ADTRP: variants seen among roughly 807,000 people sequenced by gnomAD.
ADTRP encodes androgen-dependent TFPI-regulating protein.
In ADTRP, 20 loss-of-function variants were observed where a neutral mutation model predicts 27.0. The observed-to-expected ratio is 0.74, with a 90% CI of 0.52 to 1.08. ADTRP has a LOEUF of 1.08. Among genes scored for constraint, ADTRP ranks in the 50% least tolerant of loss-of-function variants. ADTRP has a pLI of 0.00. For missense variants in ADTRP, 251 were observed against 275.0 expected (o/e 0.91, Z 0.62); for synonymous variants, 101 against 105.2 (o/e 0.96, Z 0.25).
chr6:11,760,591 T>A (rs544356377), intron 3 of ADTRP, among the ~76,000 whole-genome samples: 1 of 152,184 alleles, frequency 6.6e-6, no homozygotes, highest in Non-Finnish European at 1.5e-5. Context: ...GGTGATTTTA[T>A]TAAATTTAAC....
chr6:11,768,699 C>T (rs11753766), intron 1 of ADTRP, among the ~76,000 whole-genome samples: 11,328 of 152,136 alleles, frequency 0.074, 617 homozygotes, highest in African/African-American at 0.15. Context: ...GATACCTTGA[C>T]GGCACAGAGG....
At chr6:11,727,892 T>G (rs1041821100) in intron 4 of ADTRP, among the ~76,000 whole-genome samples, 4 of 142,406 alleles carry the variant, frequency 2.8e-5, no homozygotes, top group African/African-American at 2.6e-5. Context: ...GAGGGGAAGG[T>G]GGGAAGAGAG....
rs1309733843 is a variant in ADTRP, at chr6:11,778,676, T to C, written c.84A>G (p.Gly28=). 2 of 1,614,248 alleles carry C rather than the reference T, an allele frequency of 1.2e-6. No individual in the cohort carries two copies. The highest frequency in any genetic ancestry group is 4.5e-5 in the East Asian group (2 of 44,892). ...AGATTTTGGGTTTCACCTCGTCTTT[T>C]CCTTCCTGTGAGATGTAATAATTGA... The part of the protein sequence containing the change: ...TFLNYYISQE[G]KDEVKPKILA... Residue 28 remains glycine, a synonymous_variant, in exon 1 of 6, where the codon GGA becomes GGG. Transcript: ENST00000414691.
At chr6:11,766,399 A>G (rs752124375) in intron 2 of ADTRP, 24 bp from the exon 3 acceptor site, 2 of 1,552,310 alleles carry the variant, frequency 1.3e-6, no homozygotes, top group Non-Finnish European at 1.8e-6. Flanking sequence ...CACAAAAAAT[A>G]GCATCATTAG....
intron 3 of ADTRP, among the ~76,000 whole-genome samples, chr6:11,737,049 G>T (rs2235416): frequency 0.061 from 9,231 of 152,140 alleles, 807 homozygotes; most frequent in East Asian, 0.47. Context: ...GAATGATGGC[G>T]TTTTCAGATG....
Position 11,768,193 on chromosome 6 carries a change from A to C in ADTRP, c.288+56T>G, listed in dbSNP as rs1021432249. ...CCAAACAGCTTGGCTGCCCAGGAGA[A>C]GCGTCTGTCCATATGCACATTTCTG... On this transcript the variant is annotated intron_variant, in intron 2 of 5. Coordinates refer to ENST00000414691, the MANE Select transcript of ADTRP (RefSeq NM_032744.4). The C allele has an allele frequency of 1.2e-5, 19 of 1,588,506 alleles. No homozygotes were observed. In the African/African-American group the frequency reaches 2.3e-4, roughly 19 times the overall value.
intron 4 of ADTRP, among the ~76,000 whole-genome samples, chr6:11,723,840 C>T (rs1437315718): frequency 6.6e-6 from 1 of 152,082 alleles, no homozygotes; most frequent in Non-Finnish European, 1.5e-5. Context: ...GGGTGGATCA[C>T]CTGAGGTCAG....
intron 4 of ADTRP, among the ~76,000 whole-genome samples, chr6:11,733,265 C>T (rs1581324667): frequency 6.6e-6 from 1 of 152,372 alleles, no homozygotes; most frequent in East Asian, 1.9e-4. Flanking sequence ...CCAGAATCAT[C>T]TTTCTAATCA....
chr6:11,750,549 A>C (rs559410330), intron 3 of ADTRP, among the ~76,000 whole-genome samples: 17 of 152,352 alleles, frequency 1.1e-4, no homozygotes, highest in East Asian at 5.8e-4. Flanking sequence ...TGAACACCTC[A>C]AGCAATCACG....
intron 3 of ADTRP, among the ~76,000 whole-genome samples, chr6:11,739,074 G>T (rs1439932671): frequency 6.6e-6 from 1 of 151,530 alleles, no homozygotes; most frequent in Admixed American, 6.6e-5. Flanking sequence ...TTCAGTAAGA[G>T]AAAAATAAAA....
At chr6:11,720,926 T>G (rs912859579) in intron 5 of ADTRP, among the ~76,000 whole-genome samples, 3 of 152,140 alleles carry the variant, frequency 2.0e-5, no homozygotes, top group East Asian at 3.8e-4. Context: ...AAAAGGCCCT[T>G]GGATATTCTA....
At chr6:11,715,552 C>T (rs1761783570) in intron 5 of ADTRP, among the ~76,000 whole-genome samples, 1 of 152,092 alleles carries the variant, frequency 6.6e-6, no homozygotes, top group South Asian at 2.1e-4. Flanking sequence ...ATCTAGACTA[C>T]CCCAGTCACT....
At chr6:11,774,726 T>C (rs973689555) in intron 1 of ADTRP, among the ~76,000 whole-genome samples, 2 of 152,198 alleles carry the variant, frequency 1.3e-5, no homozygotes, top group African/African-American at 4.8e-5. Flanking sequence ...AGGAAGCTTA[T>C]CTTTAAAAAG....
At chr6:11,774,577 G>C (rs1763891604) in intron 1 of ADTRP, among the ~76,000 whole-genome samples, 1 of 152,022 alleles carries the variant, frequency 6.6e-6, no homozygotes, top group Admixed American at 6.5e-5. Context: ...CCTGGGGCTT[G>C]GGCAACTTAT....
intron 5 of ADTRP, among the ~76,000 whole-genome samples, chr6:11,715,789 C>G (rs1479857927): frequency 1.5e-5 from 2 of 135,234 alleles, no homozygotes; most frequent in African/African-American, 2.9e-5. Flanking sequence ...ACTAGAGGTG[C>G]ACACCACCAT....
chr6:11,732,497 C>T (rs573009069), intron 4 of ADTRP, among the ~76,000 whole-genome samples: 2 of 152,138 alleles, frequency 1.3e-5, no homozygotes, highest in Admixed American at 1.3e-4. Context: ...CTGGAAACTG[C>T]GTAAGGGTGG....
At chr6:11,762,584 C>T (rs1763428493) in intron 3 of ADTRP, among the ~76,000 whole-genome samples, 1 of 152,178 alleles carries the variant, frequency 6.6e-6, no homozygotes, top group Non-Finnish European at 1.5e-5. Context: ...CCCCCCTTAA[C>T]ATCAATGAAA....
At chr6:11,714,997 T>G (rs1761766931) in intron 5 of ADTRP, among the ~76,000 whole-genome samples, 1 of 152,214 alleles carries the variant, frequency 6.6e-6, no homozygotes, top group African/African-American at 2.4e-5. Context: ...GGATTAGGTT[T>G]GAGTAAGCTC....
At chr6:11,717,465 C>G in intron 5 of ADTRP, 1 of 1,293,018 alleles carries the variant, frequency 7.7e-7, no homozygotes, top group Non-Finnish European at 1.0e-6. Context: ...ACCATAGATA[C>G]CATATATAAT....
Sources: gnomAD v4.1 joint callset for allele counts (sites outside exome capture counted in the v4.1 genomes callset) on GRCh38, gnomAD v4.1.1 for gene constraint, MANE v1.5 for transcripts, NCBI Gene and HGNC (gene_info 2026-07-23, HGNC 2026-07-21) for gene names.